Variants in AUTS2 observed in about 807,000 individuals in gnomAD.
AUTS2 encodes the protein autism susceptibility gene 2 protein.
Under a neutral mutation model 112.4 loss-of-function variants are expected in AUTS2, and 17 were observed. The observed-to-expected ratio is 0.15, with a 90% confidence interval of 0.10 to 0.23. The LOEUF is 0.23. Ranked by LOEUF, AUTS2 falls within the 10% of genes least tolerant of loss-of-function variation. The pLI is 1.00. For synonymous variants in AUTS2, 751 were observed against 702.7 expected (o/e 1.07, Z -1.09); for missense variants, 1,510 against 1,701.6 (o/e 0.89, Z 1.98).
intron 5 of AUTS2, among the ~76,000 whole-genome samples, chr7:70,566,558 T>A (rs147025219): frequency 2.0e-4 from 30 of 152,206 alleles, no homozygotes; most frequent in African/African-American, 7.2e-4. Context: ...AAAATAGCAT[T>A]GAAATATTTA....
chr7:70,097,259 G>A (rs1381022831), intron 2 of AUTS2, among the ~76,000 whole-genome samples: 1 of 152,178 alleles, frequency 6.6e-6, no homozygotes, highest in Admixed American at 6.5e-5. Context: ...ATCCTGCAGT[G>A]CATGTTGTAT....
chr7:70,427,443 G>A (rs1332600261), intron 4 of AUTS2, among the ~76,000 whole-genome samples: 1 of 152,012 alleles, frequency 6.6e-6, no homozygotes, highest in Non-Finnish European at 1.5e-5. Flanking sequence ...TTTCTTAGAG[G>A]AAAACAAGCT....
chr7:70,683,424 G>A (rs957856249), intron 5 of AUTS2, among the ~76,000 whole-genome samples: 2 of 152,202 alleles, frequency 1.3e-5, no homozygotes, highest in African/African-American at 4.8e-5. Context: ...GGCAATGGTG[G>A]TGTGTAAGAG....
intron 4 of AUTS2, among the ~76,000 whole-genome samples, chr7:70,307,722 A>ATG (rs1183943873): frequency 6.6e-6 from 1 of 152,192 alleles, no homozygotes; most frequent in Non-Finnish European, 1.5e-5. Context: ...CTTCCTCTAT[A>ATG]TGCACTGCCT....
intron 5 of AUTS2, among the ~76,000 whole-genome samples, chr7:70,610,103 G>A (rs931918761): frequency 1.3e-5 from 2 of 151,988 alleles, no homozygotes; most frequent in African/African-American, 4.8e-5. Flanking sequence ...GGGTTAAAGC[G>A]ATGCTCTTGC....
At chr7:70,597,527 A>G (rs954981304) in intron 5 of AUTS2, among the ~76,000 whole-genome samples, 3 of 152,194 alleles carry the variant, frequency 2.0e-5, no homozygotes, top group Non-Finnish European at 4.4e-5. Context: ...TTCAAAGCAG[A>G]GTGAGTATGT....
chr7:70,331,451 A>T (rs1330622104), intron 4 of AUTS2, among the ~76,000 whole-genome samples: 3 of 151,060 alleles, frequency 2.0e-5, no homozygotes, highest in Admixed American at 2.0e-4. Context: ...CTTATTTATT[A>T]GTCTGGCTAG....
intron 1 of AUTS2, among the ~76,000 whole-genome samples, chr7:69,767,628 A>G (rs879601377): frequency 1.3e-5 from 2 of 152,224 alleles, no homozygotes; most frequent in African/African-American, 2.4e-5. Context: ...TGCAGAACCA[A>G]TAGGGGCCAG....
chr7:70,603,603 T>A (rs1378104598), intron 5 of AUTS2, among the ~76,000 whole-genome samples: 1 of 152,152 alleles, frequency 6.6e-6, no homozygotes, highest in African/African-American at 2.4e-5. Flanking sequence ...GTGCTGTCAT[T>A]GTAAGAAATT....
At chr7:70,227,375 A>G (rs1811821896) in intron 4 of AUTS2, among the ~76,000 whole-genome samples, 1 of 151,818 alleles carries the variant, frequency 6.6e-6, no homozygotes, top group Non-Finnish European at 1.5e-5. Context: ...GTAGTGTATT[A>G]TATTTATGCC....
At chr7:70,480,754 A>G (rs1049952290) in intron 5 of AUTS2, among the ~76,000 whole-genome samples, 1 of 152,218 alleles carries the variant, frequency 6.6e-6, no homozygotes, top group Non-Finnish European at 1.5e-5. Flanking sequence ...GAGATGATAC[A>G]GACATTGGAA....
intron 1 of AUTS2, among the ~76,000 whole-genome samples, chr7:69,733,271 G>A (rs980338363): frequency 5.3e-5 from 8 of 152,140 alleles, no homozygotes; most frequent in Admixed American, 2.0e-4. Context: ...CAAATTTGAT[G>A]CAAGAGCAGA....
At chr7:70,753,483 C>G (rs1042790451) in intron 6 of AUTS2, among the ~76,000 whole-genome samples, 1 of 152,162 alleles carries the variant, frequency 6.6e-6, no homozygotes, top group African/African-American at 2.4e-5. Context: ...CTTGAACAAA[C>G]AGTGGGTTTT....
At chr7:70,083,218 C>T (rs1370349811) in intron 2 of AUTS2, among the ~76,000 whole-genome samples, 1 of 152,100 alleles carries the variant, frequency 6.6e-6, no homozygotes, top group Non-Finnish European at 1.5e-5. Flanking sequence ...CAGAGGAAGT[C>T]CTGAGGGAAC....
intron 4 of AUTS2, among the ~76,000 whole-genome samples, chr7:70,389,108 G>A (rs1793737792): frequency 6.6e-6 from 1 of 152,084 alleles, no homozygotes; most frequent in African/African-American, 2.4e-5. Flanking sequence ...TTCTTTTTAG[G>A]TCAGCACTGT....
intron 1 of AUTS2, among the ~76,000 whole-genome samples, chr7:69,802,258 A>T (rs1790118649): frequency 6.6e-6 from 1 of 152,180 alleles, no homozygotes; most frequent in African/African-American, 2.4e-5. Context: ...CCTAAGGAAA[A>T]AGCCTGTCTT....
chr7:70,139,864 G>T (rs1005189881), intron 4 of AUTS2, among the ~76,000 whole-genome samples: 1 of 152,030 alleles, frequency 6.6e-6, no homozygotes, highest in Admixed American at 6.6e-5. Flanking sequence ...AACTGGGCGT[G>T]GTGGCATGCA....
intron 4 of AUTS2, among the ~76,000 whole-genome samples, chr7:70,409,725 G>C (rs1242968181): frequency 2.0e-5 from 3 of 152,176 alleles, no homozygotes; most frequent in Non-Finnish European, 4.4e-5. Context: ...TTCTAAAGCA[G>C]AGACATTGTT....
chr7:70,159,659 T>G lies in AUTS2; in HGVS notation c.660+25088T>G, dbSNP rs188305894. Reference sequence around the variant, plus strand: ...TGCTGGGGGTGTTTAAATACCAAATTTATGCATATTTTCAAGGAAGAAGCA... The same window carrying G: ...TGCTGGGGGTGTTTAAATACCAAATGTATGCATATTTTCAAGGAAGAAGCA... On this transcript the variant is annotated intron_variant, in intron 4 of 18. Coordinates refer to ENST00000342771, the MANE Select transcript of AUTS2 (RefSeq NM_015570.4). Among the ~76,000 whole-genome samples, 213 of 152,266 alleles carry G rather than the reference T, an allele frequency of 1.4e-3. 1 individual carries two copies. The highest frequency in any genetic ancestry group is 1.8e-3 in the Non-Finnish European group (121 of 68,014).
Sources: gnomAD v4.1 joint callset for allele counts (sites outside exome capture counted in the v4.1 genomes callset) on GRCh38, gnomAD v4.1.1 for gene constraint, MANE v1.5 for transcripts, NCBI Gene and HGNC (gene_info 2026-07-23, HGNC 2026-07-21) for gene names.